The following LAMA1 variants were observed in gnomAD, a reference collection of about 807,000 sequenced individuals.
LAMA1 encodes laminin subunit alpha-1.
Under a neutral mutation model 348.7 loss-of-function variants are expected in LAMA1, and 219 were observed. That is an observed-to-expected ratio of 0.63 (90% CI 0.56 to 0.70). LAMA1 has a LOEUF of 0.70. Among genes scored for constraint, LAMA1 ranks in the 30% least tolerant of loss-of-function variants. The pLI, the probability that LAMA1 is intolerant of heterozygous loss-of-function variation, is 0.00. For missense variants in LAMA1, 3,744 were observed against 3,888.0 expected, an observed-to-expected ratio of 0.96 and a Z score of 0.99; for synonymous variants, 1,487 against 1,491.0, an observed-to-expected ratio of 1.00 and a Z score of 0.06.
At chr18:6,943,535 T>G in intron 61 of LAMA1, 133 bp from the exon 62 acceptor site, 1 of 783,990 alleles carries the variant, frequency 1.3e-6, no homozygotes, top group Admixed American at 2.0e-5. Flanking sequence ...AAAATAGTTT[T>G]GAAAAGTAAC....
In LAMA1 at chr18:6,949,245, A is replaced by G. The variant is rs1194491725; in HGVS notation, c.8412T>C (p.Tyr2804=). 5 of 1,614,200 alleles carry G rather than the reference A, an allele frequency of 3.1e-6. No homozygotes were observed. The highest frequency in any genetic ancestry group is 4.2e-6 in the Non-Finnish European group (5 of 1,180,038). The change falls in exon 59 of 63, where the codon TAT becomes TAC. Residue 2804 remains tyrosine, a synonymous_variant. Coordinates refer to ENST00000389658, the MANE Select transcript of LAMA1 (RefSeq NM_005559.4). ...CAGTTATGAAGCCTTTTCTTTTAAC[A>G]TAGTCTGTCTTGACCTACAGCAAAG... ...DGKWHTVKTD[Y]VKRKGFITVD...
intron 37 of LAMA1, 75 bp from the exon 38 acceptor site, chr18:6,985,718 G>A (rs930663534): frequency 5.4e-5 from 49 of 901,108 alleles, no homozygotes; most frequent in Non-Finnish European, 7.8e-5. Context: ...CTAATGCTAC[G>A]TGCAGAAGTT....
chr18:7,098,219 C>G (rs2058271215), intron 1 of LAMA1, among the ~76,000 whole-genome samples: 1 of 152,172 alleles, frequency 6.6e-6, no homozygotes, highest in African/African-American at 2.4e-5. Flanking sequence ...CTCCCAGCCG[C>G]CTGCCTTGGC....
At chr18:7,065,250 A>AAAAAAAAAAAC (rs1467543523) in intron 3 of LAMA1, among the ~76,000 whole-genome samples, 24 of 149,832 alleles carry the variant, frequency 1.6e-4, no homozygotes, top group African/African-American at 5.3e-4. Context: ...AAAAAAAAAA[A>AAAAAAAAAAAC]AAACAACGAC....
intron 22 of LAMA1, among the ~76,000 whole-genome samples, chr18:7,014,446 C>T (rs2057876298): frequency 6.6e-6 from 1 of 152,012 alleles, no homozygotes; most frequent in African/African-American, 2.4e-5. Flanking sequence ...CATAGTGAGA[C>T]CCCCGTCTCT....
rs763090349 is a variant in LAMA1, at chr18:6,980,550, G to A, written c.5978C>T (p.Ser1993Leu). 5 of 1,610,640 alleles carry A rather than the reference G, an allele frequency of 3.1e-6. No homozygotes were observed. The highest frequency in any genetic ancestry group is 4.2e-6 in the Non-Finnish European group (5 of 1,177,058). ...AVEITRQTNESLLILRAIPKG... is the reference protein window; with the variant it reads ...AVEITRQTNELLLILRAIPKG... ...AGGAATTGCTCTAAGTATCAAGAGT[G>A]ATTCATTGGTTTGCCTGGTAATTTC... Residue 1993 changes from serine (S) to leucine (L), a missense_variant, in exon 42 of 63, where the codon TCA becomes TTA. By Grantham distance (145) the Ser-to-Leu change is moderately radical. This residue lies in a region of LAMA1 where 1,983 missense variants were observed against 1,934.3 expected (regional missense o/e 1.03). Transcript: ENST00000389658.
rs1297821854 is a variant in LAMA1, at chr18:6,961,687, C to T, written c.7525G>A (p.Glu2509Lys). ...LPPKSLSPESEWLVTFATTNS... is the reference protein window; with the variant it reads ...LPPKSLSPESKWLVTFATTNS... ...GTGGTGGCAAATGTTACCAGCCATT[C>T]TGATTCTGGTGACAAAGATTTGGGT... The change falls in exon 53 of 63, where the codon GAA becomes AAA. Residue 2509 changes from glutamate (E) to lysine (K), a missense_variant. Physicochemically the swap from Glu to Lys is moderately conservative, Grantham distance 56 (BLOSUM62 1). Around this residue, in one of 3 missense-constraint regions of LAMA1, gnomAD observed 1,983 missense variants for 1,934.3 expected, o/e 1.03. Coordinates refer to ENST00000389658, the MANE Select transcript of LAMA1 (RefSeq NM_005559.4). 2 of 1,614,126 alleles carry T rather than the reference C, an allele frequency of 1.2e-6. No homozygotes were observed. Among genetic ancestry groups the T allele is most frequent in the Non-Finnish European group, 8.5e-7 (1 of 1,180,020 alleles).
intron 29 of LAMA1, 128 bp downstream of exon 29, chr18:7,007,011 T>C: frequency 7.5e-7 from 1 of 1,336,702 alleles, no homozygotes; most frequent in African/African-American, 1.5e-5. Context: ...AATAGGTTTA[T>C]ATTTTATATT....
At position 7,023,308 on chromosome 18, in the gene LAMA1, C is replaced by T. The variant is rs1247550665; in HGVS notation, c.2557G>A (p.Gly853Ser). 11 of 1,614,026 alleles carry T rather than the reference C, an allele frequency of 6.8e-6. No individual in the cohort carries two copies. The highest frequency in any genetic ancestry group is 2.2e-5 in the East Asian group (1 of 44,888). Residue 853 changes from glycine (G) to serine (S), a missense_variant, in exon 19 of 63, where the codon GGC (glycine) becomes AGC (serine). Physicochemically the swap from Gly to Ser is moderately conservative, Grantham distance 56. Around this residue, in one of 3 missense-constraint regions of LAMA1, gnomAD observed 1,529 missense variants for 1,689.4 expected, o/e 0.91. Coordinates refer to ENST00000389658, the MANE Select transcript of LAMA1 (RefSeq NM_005559.4). ...CCAGCCTCCGAGGGGTCCACGTTGC[C>T]GCTGCAGTCACAGGGAACACAAGAT... ...GESCVPCDCSGNVDPSEAGHC... is the reference protein window; with the variant it reads ...GESCVPCDCSSNVDPSEAGHC...
intron 14 of LAMA1, among the ~76,000 whole-genome samples, chr18:7,033,741 C>CCT (rs1555656751): frequency 1.9e-4 from 28 of 149,156 alleles, no homozygotes; most frequent in African/African-American, 6.4e-4. Context: ...ATGCATACAA[C>CCT]TTTTTTTTTT....
intron 46 of LAMA1, 95 bp from the exon 47 acceptor site, chr18:6,973,302 C>T (rs2057666855): frequency 8.4e-7 from 1 of 1,190,010 alleles, no homozygotes; most frequent in Admixed American, 1.9e-5. Context: ...CTGCTTCTCC[C>T]CAAGGGCCCT....
intron 3 of LAMA1, 114 bp downstream of exon 3, chr18:7,079,861 A>T: frequency 1.3e-6 from 1 of 780,832 alleles, no homozygotes. Flanking sequence ...TGGTGGAAAT[A>T]GTGAGATTAG....
intron 1 of LAMA1, among the ~76,000 whole-genome samples, chr18:7,095,508 C>G (rs934680230): frequency 2.6e-5 from 4 of 152,202 alleles, no homozygotes; most frequent in African/African-American, 9.6e-5. Context: ...CTTCCTGTCT[C>G]CAGCCCCCAG....
chr18:7,017,375 C>G lies in LAMA1; in HGVS notation c.2711G>C (p.Cys904Ser). Residue 904 changes from cysteine to serine, a missense_variant, in exon 20 of 63, where the codon TGC becomes TCC. Cys to Ser is a moderately radical substitution (Grantham distance 112). This residue lies in a region of LAMA1 where 1,529 missense variants were observed against 1,689.4 expected (regional missense o/e 0.91). Coordinates refer to ENST00000389658, the MANE Select transcript of LAMA1 (RefSeq NM_005559.4). ...GGCAGAATGGGAGCCTTTCACATGGCATTCACAGGCTAAACACATGCACAC... is the reference window on the plus strand; with the variant it reads ...GGCAGAATGGGAGCCTTTCACATGGGATTCACAGGCTAAACACATGCACAC... ...VTAKNCRACE[C>S]HVKGSHSAVC... 6.2e-7 allele frequency: 1 copy of G among 1,613,114 alleles called. No homozygotes were observed. The highest frequency in any genetic ancestry group is 8.5e-7 in the Non-Finnish European group (1 of 1,179,398).
Position 7,032,147 on chromosome 18 carries a change from A to T in LAMA1, c.2193T>A (p.Asp731Glu), listed in dbSNP as rs753911030. 1 of 1,614,148 alleles carries T rather than the reference A, an allele frequency of 6.2e-7. No individual in the cohort carries two copies. The highest frequency in any genetic ancestry group is 8.5e-7 in the Non-Finnish European group (1 of 1,179,984). The stretch of plus-strand genomic sequence containing the variant: ...GACAAATTCCTCCAAAGAGTATTCC[A>T]TCCACGCGGTAATAGCCAGAGAGGC... The part of the protein sequence containing the change: ...ESCLSGYYRV[D>E]GILFGGICQP... The change falls in exon 16 of 63, where the codon GAT becomes GAA. Residue 731 changes from aspartate to glutamate, a missense_variant. By Grantham distance (45) the Asp-to-Glu change is conservative. Coordinates refer to ENST00000389658, the MANE Select transcript of LAMA1 (RefSeq NM_005559.4).
Position 6,985,564 on chromosome 18 carries a change from G to A in LAMA1, c.5459C>T (p.Ala1820Val). The A allele has an allele frequency of 6.2e-7, 1 of 1,614,120 alleles. No individual in the cohort carries two copies. Among genetic ancestry groups the A allele is most frequent in the Non-Finnish European group, 8.5e-7 (1 of 1,179,992 alleles). ...TTGTACAGCATCTGTTTGTGCAGCA[G>A]CAGCATCTATCAATCCTCTTCCTTG... is the stretch of plus-strand genomic sequence containing the variant. ...IVQGRGLIDAAAAQTDAVQDA... is the reference protein window; with the variant it reads ...IVQGRGLIDAVAAQTDAVQDA... The change falls in exon 38 of 63, where the codon GCT (alanine) becomes GTT (valine). Residue 1820 changes from alanine to valine, a missense_variant. By Grantham distance (64) the Ala-to-Val change is moderately conservative (BLOSUM62 0). Transcript: ENST00000389658.
intron 3 of LAMA1, among the ~76,000 whole-genome samples, chr18:7,062,020 C>A (rs1003394833): frequency 1.3e-5 from 2 of 152,206 alleles, no homozygotes; most frequent in African/African-American, 4.8e-5. Context: ...ACACAGGACA[C>A]TGGGGACAAG....
In LAMA1 at chr18:6,956,655, G is replaced by A. The variant is rs764703520; in HGVS notation, c.8075C>T (p.Pro2692Leu). The A allele has an allele frequency of 6.2e-7, 1 of 1,614,158 alleles. No homozygotes were observed. The highest frequency in any genetic ancestry group is 2.2e-5 in the East Asian group (1 of 44,878). Residue 2692 changes from proline (P) to leucine (L), a missense_variant, in exon 56 of 63, where the codon CCA (proline) becomes CTA (leucine). Around this residue, in one of 3 missense-constraint regions of LAMA1, gnomAD observed 1,983 missense variants for 1,934.3 expected, o/e 1.03. Coordinates refer to ENST00000389658, the MANE Select transcript of LAMA1 (RefSeq NM_005559.4). ...APDAEDSKLL[P>L]EPRAFPEQCV... ...TCCTACTGGAAAAGCCCGGGGCTCT[G>A]GCAAGAGCTTGCTGTCCTCTGCATC...
intron 61 of LAMA1, 137 bp downstream of exon 61, chr18:6,947,026 T>G: frequency 8.7e-7 from 1 of 1,146,790 alleles, no homozygotes; most frequent in Non-Finnish European, 1.3e-6. Flanking sequence ...TGTAGCAATA[T>G]CTGTTTTTAA....
Sources: allele counts gnomAD v4.1 joint callset (sites outside exome capture counted in the v4.1 genomes callset), GRCh38; gene constraint gnomAD v4.1.1; regional missense constraint gnomAD v4.1.1; transcripts MANE v1.5; gene names NCBI Gene and HGNC (gene_info 2026-07-23, HGNC 2026-07-21).